Variants in BFSP1 observed in about 807,000 individuals in gnomAD.
The protein encoded by BFSP1 is filensin.
A neutral mutation model predicts 43.9 loss-of-function variants in BFSP1; 38 were observed. The ratio of observed to expected loss-of-function variants is 0.87; its 90% confidence interval spans 0.67 to 1.14. The LOEUF (loss-of-function observed/expected upper bound fraction) is 1.14. Among genes scored for constraint, BFSP1 ranks in the 50% most tolerant of loss-of-function variants. The pLI is 0.00. For synonymous variants in BFSP1, 352 were observed against 354.8 expected, an observed-to-expected ratio of 0.99 and a Z score of 0.09; for missense variants, 850 against 875.1, an observed-to-expected ratio of 0.97 and a Z score of 0.36.
At chr20:17,510,976 CTTGT>C (rs145127276) in intron 4 of BFSP1, among the ~76,000 whole-genome samples, 13,168 of 151,948 alleles carry the variant, frequency 0.087, 620 homozygotes, top group Middle Eastern at 0.12. Flanking sequence ...TTTTTTGCTT[CTTGT>C]TTGTTTGTTT....
At chr20:17,497,139 T>G in intron 6 of BFSP1, 116 bp from the exon 7 acceptor site, 1 of 684,166 alleles carries the variant, frequency 1.5e-6, no homozygotes, top group Non-Finnish European at 2.4e-6. Flanking sequence ...TGCTCACGAA[T>G]TAGATATCAT....
Position 17,536,514 on chromosome 20 carries a change from A to G in BFSP1, c.3-11606T>C, listed in dbSNP as rs149840938. On this transcript the variant is annotated intron_variant, in intron 1 of 7. Coordinates refer to the BFSP1 transcript ENST00000377868. ...ACCACTGCACTCCAGTCTAGGTGAT[A>G]GAATGAGACCCTGTCTCAAAAAATA... is the stretch of plus-strand genomic sequence containing the variant. 9.9e-3 allele frequency among the ~76,000 whole-genome samples: 1,506 copies of G among 152,378 alleles called. 26 individuals carry two copies. The highest frequency in any genetic ancestry group is 0.034 in the African/African-American group (1,433 of 41,588).
intron 5 of BFSP1, among the ~76,000 whole-genome samples, chr20:17,503,712 C>T (rs920204953): frequency 2.0e-5 from 3 of 152,326 alleles, no homozygotes; most frequent in African/African-American, 7.2e-5. Context: ...CTGCTGCAGG[C>T]AACAATATGC....
At chr20:17,531,577 G>A (rs1194796860), upstream of BFSP1, among the ~76,000 whole-genome samples, 1 of 152,210 alleles carries the variant, frequency 6.6e-6, no homozygotes, top group African/African-American at 2.4e-5. Flanking sequence ...GGGCAATGAG[G>A]TTTTTGTTCC....
intron 5 of BFSP1, among the ~76,000 whole-genome samples, chr20:17,501,841 C>A (rs1208192981): frequency 6.6e-6 from 1 of 152,200 alleles, no homozygotes; most frequent in African/African-American, 2.4e-5. Context: ...TGTCACATGC[C>A]TTCTCTCCTG....
At chr20:17,543,369 G>A (rs1217216227) in intron 1 of BFSP1, among the ~76,000 whole-genome samples, 3 of 152,134 alleles carry the variant, frequency 2.0e-5, no homozygotes, top group Admixed American at 6.5e-5. Context: ...CTCACACAGC[G>A]TCATGACCGA....
At chr20:17,541,597 T>G (rs759976218) in intron 1 of BFSP1, among the ~76,000 whole-genome samples, 4 of 152,186 alleles carry the variant, frequency 2.6e-5, no homozygotes, top group Non-Finnish European at 5.9e-5. Context: ...AAAAGTTAAT[T>G]CCTTGGAAAA....
At chr20:17,568,209 G>A (rs1311466160) in intron 1 of BFSP1, among the ~76,000 whole-genome samples, 1 of 152,126 alleles carries the variant, frequency 6.6e-6, no homozygotes. Flanking sequence ...GACCTGCTGA[G>A]GGTTATGGAG....
intron 1 of BFSP1, among the ~76,000 whole-genome samples, chr20:17,530,551 G>A (rs192823292): frequency 1.2e-3 from 185 of 152,350 alleles, no homozygotes; most frequent in African/African-American, 3.9e-3. Flanking sequence ...GGTGCCTCCG[G>A]TCTGGGGCAA....
intron 1 of BFSP1, among the ~76,000 whole-genome samples, chr20:17,545,444 G>C (rs761497312): frequency 2.0e-5 from 3 of 152,234 alleles, no homozygotes; most frequent in Non-Finnish European, 2.9e-5. Flanking sequence ...AATTCTTTAA[G>C]TAAAAGGCAT....
At chr20:17,551,017 G>C (rs2034888209) in intron 1 of BFSP1, among the ~76,000 whole-genome samples, 1 of 152,178 alleles carries the variant, frequency 6.6e-6, no homozygotes, top group Non-Finnish European at 1.5e-5. Flanking sequence ...ATGCAGTCCA[G>C]AGGTAGGCAG....
chr20:17,496,167 C>G (rs541520158), intron 7 of BFSP1, among the ~76,000 whole-genome samples: 2 of 152,372 alleles, frequency 1.3e-5, no homozygotes, highest in South Asian at 4.1e-4. Flanking sequence ...TGCAGGGCCG[C>G]TCGTCTGCAG....
chr20:17,499,686 C>A (rs2123459746), intron 5 of BFSP1, among the ~76,000 whole-genome samples: 1 of 152,278 alleles, frequency 6.6e-6, no homozygotes, highest in East Asian at 1.9e-4. Context: ...CTTTGGGAGG[C>A]CGAGGCTAGC....
At chr20:17,567,381 T>C (rs186810117) in intron 1 of BFSP1, among the ~76,000 whole-genome samples, 11 of 152,350 alleles carry the variant, frequency 7.2e-5, no homozygotes, top group Non-Finnish European at 1.0e-4. Context: ...AACTCCCAGC[T>C]ATCTGGTAGT....
intron 1 of BFSP1, among the ~76,000 whole-genome samples, chr20:17,554,989 A>G (rs1298953385): frequency 6.6e-6 from 1 of 152,174 alleles, no homozygotes; most frequent in Non-Finnish European, 1.5e-5. Flanking sequence ...TAATTAAGCC[A>G]TGCATAGACT....
rs375967756 is a variant in BFSP1, at chr20:17,566,032, C to T, written n.51-2937G>A. Among the ~76,000 whole-genome samples, 5 of 146,286 alleles carry T rather than the reference C, an allele frequency of 3.4e-5. No homozygotes were observed. The South Asian group carries it at 8.7e-4, about 25-fold the overall frequency. ...ACTCGGGAGGCTGAGGCAAGATAATCGCTTGAACTCAGGAGGCGGAGGTTG... is the reference window on the plus strand; with the variant it reads ...ACTCGGGAGGCTGAGGCAAGATAATTGCTTGAACTCAGGAGGCGGAGGTTG... On this transcript the variant is annotated intron_variant and non_coding_transcript_variant, in intron 1 of 6. Transcript: ENST00000473415.
chr20:17,559,600 G>T (rs1358679324), upstream of BFSP1, among the ~76,000 whole-genome samples: 1 of 152,182 alleles, frequency 6.6e-6, no homozygotes, highest in Non-Finnish European at 1.5e-5. Flanking sequence ...ACCAGTATTG[G>T]TCTGTGGCCT....
intron 2 of BFSP1, among the ~76,000 whole-genome samples, chr20:17,524,282 A>G (rs1383270051): frequency 1.3e-5 from 2 of 152,214 alleles, no homozygotes; most frequent in East Asian, 3.9e-4. Context: ...AATCCCAAGA[A>G]GGAAATCACC....
Position 17,529,946 on chromosome 20 carries a change from A to T in BFSP1, c.377+1007T>A, listed in dbSNP as rs1056220883. Among the ~76,000 whole-genome samples the T allele has an allele frequency of 3.9e-5, 6 of 152,198 alleles. No homozygotes were observed. The South Asian group carries it at 1.2e-3, about 32-fold the overall frequency. On this transcript the variant is annotated intron_variant, in intron 1 of 7. Transcript: ENST00000377873. Reference sequence around the variant, plus strand: ...TTTATAACTTGAAAAAATGTTGACAAATTGCATCTTTTTTTTAACAGCTCC... The same window carrying T: ...TTTATAACTTGAAAAAATGTTGACATATTGCATCTTTTTTTTAACAGCTCC...
Sources: gnomAD v4.1 joint callset for allele counts (sites outside exome capture counted in the v4.1 genomes callset) on GRCh38, gnomAD v4.1.1 for gene constraint, MANE v1.5 for transcripts, NCBI Gene and HGNC (gene_info 2026-07-23, HGNC 2026-07-21) for gene names.